CUL5: variants seen among roughly 807,000 people sequenced by gnomAD.
CUL5 encodes the protein cullin-5.
In CUL5, 26 loss-of-function variants were observed where a neutral mutation model predicts 108.8. The ratio of observed to expected loss-of-function variants is 0.24; its 90% confidence interval spans 0.18 to 0.33. The LOEUF (loss-of-function observed/expected upper bound fraction) is 0.33. CUL5 is among the 10% of genes least tolerant of loss of function. CUL5 has a pLI of 1.00. For synonymous variants in CUL5, 334 were observed against 298.0 expected (o/e 1.12, Z -1.25); for missense variants, 524 against 909.2 (o/e 0.58, Z 5.45).
chr11:108,026,283 C>T (rs888594424), intron 1 of CUL5, among the ~76,000 whole-genome samples: 6 of 152,152 alleles, frequency 3.9e-5, no homozygotes, highest in African/African-American at 1.2e-4. Context: ...GCTATTTGCA[C>T]CTTAAATCCA....
chr11:108,014,631 A>C (rs1232393864), intron 1 of CUL5, among the ~76,000 whole-genome samples: 1 of 152,220 alleles, frequency 6.6e-6, no homozygotes, highest in Non-Finnish European at 1.5e-5. Flanking sequence ...CATCTTGTTC[A>C]TTGAAACCGT....
intron 11 of CUL5, among the ~76,000 whole-genome samples, chr11:108,085,230 G>A (rs564166599): frequency 5.3e-5 from 8 of 152,266 alleles, no homozygotes; most frequent in African/African-American, 1.7e-4. Context: ...CCATACAGTG[G>A]AATATTATTC....
intron 12 of CUL5, among the ~76,000 whole-genome samples, chr11:108,089,065 T>C (rs554163604): frequency 6.6e-6 from 1 of 152,036 alleles, no homozygotes; most frequent in East Asian, 1.9e-4. Flanking sequence ...GTCACCCAGT[T>C]GTTAGTGTAA....
chr11:108,088,465 A>G, intron 11 of CUL5, 62 bp from the exon 12 acceptor site: 1 of 1,502,318 alleles, frequency 6.7e-7, no homozygotes. Context: ...CATTGACTTT[A>G]GAAAAAAATA....
intron 2 of CUL5, among the ~76,000 whole-genome samples, chr11:108,034,540 A>G (rs988327979): frequency 3.9e-5 from 6 of 152,294 alleles, no homozygotes; most frequent in Admixed American, 1.3e-4. Flanking sequence ...GGGTGCTGGT[A>G]GTTGGTGCTG....
At chr11:108,054,005 C>T (rs1863308797) in intron 5 of CUL5, among the ~76,000 whole-genome samples, 1 of 152,104 alleles carries the variant, frequency 6.6e-6, no homozygotes, top group Non-Finnish European at 1.5e-5. Flanking sequence ...GCCATCACTC[C>T]CAGCTAATGT....
At chr11:108,044,753 A>G (rs1219682611) in intron 2 of CUL5, among the ~76,000 whole-genome samples, 1 of 148,976 alleles carries the variant, frequency 6.7e-6, no homozygotes, top group Non-Finnish European at 1.5e-5. Context: ...TTTTTTTTAT[A>G]TTTTAATTTA....
At chr11:108,089,197 C>T (rs921765883) in intron 12 of CUL5, among the ~76,000 whole-genome samples, 3 of 151,934 alleles carry the variant, frequency 2.0e-5, no homozygotes, top group Non-Finnish European at 2.9e-5. Flanking sequence ...AGAAGAGACA[C>T]TTTGCAGGGG....
chr11:108,022,243 G>A (rs1393046946), intron 1 of CUL5, among the ~76,000 whole-genome samples: 2 of 152,118 alleles, frequency 1.3e-5, no homozygotes, highest in African/African-American at 2.4e-5. Context: ...TGTTTTCGGG[G>A]CGAACCAGTA....
intron 16 of CUL5, among the ~76,000 whole-genome samples, chr11:108,096,160 A>C (rs1864487464): frequency 6.6e-6 from 1 of 151,218 alleles, no homozygotes; most frequent in Non-Finnish European, 1.5e-5. Context: ...AATAAATTGC[A>C]AATAGGCAAG....
At chr11:108,072,125 G>T (rs1863840218) in intron 8 of CUL5, among the ~76,000 whole-genome samples, 1 of 152,154 alleles carries the variant, frequency 6.6e-6, no homozygotes, top group Admixed American at 6.6e-5. Context: ...GCTGCAGTGA[G>T]CCGTGATCGA....
At chr11:108,081,533 A>G (rs1443939388) in intron 11 of CUL5, among the ~76,000 whole-genome samples, 1 of 151,648 alleles carries the variant, frequency 6.6e-6, no homozygotes, top group African/African-American at 2.4e-5. Flanking sequence ...CGGGCAGATC[A>G]CAAGGTCAGG....
At chr11:108,079,057 ATCT>A (rs139034555) in intron 11 of CUL5, among the ~76,000 whole-genome samples, 1,992 of 152,170 alleles carry the variant, frequency 0.013, 42 homozygotes, top group African/African-American at 0.045. Context: ...GAGTAGATAG[ATCT>A]TCTTCTCTTT....
chr11:108,074,603 G>A lies in CUL5; in HGVS notation c.1113+1106G>A, dbSNP rs1486505585. On this transcript the variant is annotated intron_variant, in intron 10 of 18. Coordinates refer to ENST00000393094, the MANE Select transcript of CUL5 (RefSeq NM_003478.6). ...GTGGATCACCTGAGGTCGGGAGTTC[G>A]AGATCAGCCTGATCAACATGGAGAA... Among the ~76,000 whole-genome samples the A allele has an allele frequency of 2.6e-5, 4 of 151,854 alleles. No homozygotes were observed. In the South Asian group the frequency reaches 6.2e-4, roughly 24 times the overall value.
chr11:108,094,587 A>C (rs1398705630), intron 14 of CUL5, 73 bp downstream of exon 14: 18 of 990,934 alleles, frequency 1.8e-5, no homozygotes, highest in Non-Finnish European at 2.3e-5. Context: ...TAAATTAAAA[A>C]TAAACCTCAG....
At chr11:108,034,458 ACCATT>A (rs1862675658) in intron 2 of CUL5, among the ~76,000 whole-genome samples, 1 of 152,174 alleles carries the variant, frequency 6.6e-6, no homozygotes, top group African/African-American at 2.4e-5. Flanking sequence ...GAAACTGTTG[ACCATT>A]CAAGTTCTCA....
chr11:108,068,105 A>T (rs1181522104), intron 7 of CUL5, among the ~76,000 whole-genome samples: 2 of 151,708 alleles, frequency 1.3e-5, no homozygotes, highest in South Asian at 2.1e-4. Flanking sequence ...TTTAGTAGAG[A>T]TGGGGTTTCT....
intron 9 of CUL5, 42 bp downstream of exon 9, chr11:108,072,504 CT>C: frequency 6.6e-7 from 1 of 1,523,044 alleles, no homozygotes; most frequent in Non-Finnish European, 9.0e-7. Flanking sequence ...TATATCAAGG[CT>C]ATTTTTTAAA....
chr11:108,053,695 T>TA (rs1200092953), intron 5 of CUL5, among the ~76,000 whole-genome samples: 2 of 150,816 alleles, frequency 1.3e-5, no homozygotes, highest in Non-Finnish European at 3.0e-5. Context: ...TTTTTTTTTT[T>TA]AAGAGATGGG....
Sources: gnomAD v4.1 joint callset for allele counts (sites outside exome capture counted in the v4.1 genomes callset) on GRCh38, gnomAD v4.1.1 for gene constraint, MANE v1.5 for transcripts, NCBI Gene and HGNC (gene_info 2026-07-23, HGNC 2026-07-21) for gene names.